Variants in CTNNA2 observed in about 807,000 individuals in gnomAD.
CTNNA2 encodes the protein catenin alpha-2.
A neutral mutation model predicts 101.0 loss-of-function variants in CTNNA2; 42 were observed. That is an observed-to-expected ratio of 0.42 (90% CI 0.32 to 0.54). The LOEUF (loss-of-function observed/expected upper bound fraction) is 0.54, where lower values mean the gene tolerates loss of function less well. Among genes scored for constraint, CTNNA2 ranks in the 20% least tolerant of loss-of-function variants. The pLI, the probability that CTNNA2 is intolerant of heterozygous loss-of-function variation, is 0.14. For synonymous variants in CTNNA2, 450 were observed against 456.4 expected (o/e 0.99, Z 0.18); for missense variants, 871 against 1,223.1 (o/e 0.71, Z 4.29).
intron 1 of CTNNA2, among the ~76,000 whole-genome samples, chr2:79,584,265 G>T (rs535195524): frequency 1.7e-3 from 262 of 152,088 alleles, no homozygotes; most frequent in Non-Finnish European, 2.9e-3. Context: ...TTATCCTATG[G>T]TTCATAAAAA....
intron 6 of CTNNA2, among the ~76,000 whole-genome samples, chr2:79,890,433 T>C (rs1684221066): frequency 6.6e-6 from 1 of 152,056 alleles, no homozygotes; most frequent in Admixed American, 6.6e-5. Flanking sequence ...TGTGAAGGAG[T>C]TTGAAACTGA....
At chr2:80,277,779 C>G (rs933187931) in intron 7 of CTNNA2, among the ~76,000 whole-genome samples, 1 of 152,138 alleles carries the variant, frequency 6.6e-6, no homozygotes, top group African/African-American at 2.4e-5. Flanking sequence ...TTCTTCATCA[C>G]TCCTTCTGCT....
At chr2:79,887,065 A>C (rs770137585) in intron 6 of CTNNA2, among the ~76,000 whole-genome samples, 1 of 151,926 alleles carries the variant, frequency 6.6e-6, no homozygotes, top group Non-Finnish European at 1.5e-5. Context: ...GATCTGCCCA[A>C]CTCAGCTTCC....
At chr2:80,106,025 A>G (rs1370204692) in intron 7 of CTNNA2, among the ~76,000 whole-genome samples, 1 of 152,192 alleles carries the variant, frequency 6.6e-6, no homozygotes, top group Non-Finnish European at 1.5e-5. Flanking sequence ...AGGGGGTTTT[A>G]TTACTTGCCA....
intron 2 of CTNNA2, among the ~76,000 whole-genome samples, chr2:79,250,418 T>TG (rs1674755411): frequency 6.6e-6 from 1 of 152,120 alleles, no homozygotes; most frequent in Non-Finnish European, 1.5e-5. Flanking sequence ...CCTCTGTAAT[T>TG]ACTGGGTTTA....
In CTNNA2 at chr2:80,302,772, C is replaced by T. The variant is rs1676472188; in HGVS notation, c.1057-90439C>T. On this transcript the variant is annotated intron_variant, in intron 7 of 18. Transcript: ENST00000402739. The surrounding 1 kb of genome is among the most constrained non-coding windows in gnomAD (Gnocchi z 6.4). Reference sequence around the variant, plus strand: ...TACACGGCGTCCAGGACGTCCTCGCCCTGTGCGTACTCCGGGCTGGCGCAC... The same window carrying T: ...TACACGGCGTCCAGGACGTCCTCGCTCTGTGCGTACTCCGGGCTGGCGCAC... 1 of 1,613,214 alleles carries T rather than the reference C, an allele frequency of 6.2e-7. No individual in the cohort carries two copies. Among genetic ancestry groups the T allele is most frequent in the African/African-American group, 1.3e-5 (1 of 74,936 alleles).
intron 9 of CTNNA2, among the ~76,000 whole-genome samples, chr2:80,499,748 G>T (rs1002669351): frequency 1.3e-5 from 2 of 151,974 alleles, no homozygotes; most frequent in Non-Finnish European, 2.9e-5. Context: ...TTGAACCTGC[G>T]AGGCAGAGGC....
intron 7 of CTNNA2, among the ~76,000 whole-genome samples, chr2:80,126,626 C>CTTTCCTTCCTT (rs1702139184): frequency 5.9e-4 from 16 of 27,290 alleles, no homozygotes; most frequent in African/African-American, 2.5e-3. Flanking sequence ...CTCCCTCCCT[C>CTTTCCTTCCTT]CCTCCCTCCC....
chr2:79,341,462 G>C (rs760248419), intron 3 of CTNNA2, among the ~76,000 whole-genome samples: 67 of 152,272 alleles, frequency 4.4e-4, no homozygotes, highest in Admixed American at 1.3e-4. Context: ...TAGTTATGGT[G>C]TTATGCAGAC....
At chr2:80,246,904 A>G (rs1218418482) in intron 7 of CTNNA2, among the ~76,000 whole-genome samples, 1 of 152,234 alleles carries the variant, frequency 6.6e-6, no homozygotes, top group African/African-American at 2.4e-5. Context: ...ATCAAGGCCT[A>G]TGGTACCTTA....
chr2:79,241,884 A>ATTTTCTTTTCTTTTCTTTTC (rs3979579), intron 2 of CTNNA2, among the ~76,000 whole-genome samples: 7 of 149,240 alleles, frequency 4.7e-5, no homozygotes, highest in African/African-American at 1.7e-4. Context: ...ACATTTGGGT[A>ATTTTCTTTTCTTTTCTTTTC]TTTTCTTTTC....
At chr2:80,033,812 A>G (rs955883193) in intron 7 of CTNNA2, among the ~76,000 whole-genome samples, 2 of 152,132 alleles carry the variant, frequency 1.3e-5, no homozygotes, top group African/African-American at 4.8e-5. Flanking sequence ...TGCATATGGA[A>G]ATTCAGTGTA....
chr2:80,213,346 C>T (rs1411062420), intron 7 of CTNNA2, among the ~76,000 whole-genome samples: 2 of 152,024 alleles, frequency 1.3e-5, no homozygotes, highest in African/African-American at 2.4e-5. Context: ...CTCTTGTGGG[C>T]ATTTAGTGCT....
chr2:79,819,082 C>T (rs552400700), intron 3 of CTNNA2, among the ~76,000 whole-genome samples: 2 of 150,990 alleles, frequency 1.3e-5, no homozygotes, highest in African/African-American at 2.4e-5. Flanking sequence ...CAGGTTCAAG[C>T]GATTTTCCTG....
intron 7 of CTNNA2, among the ~76,000 whole-genome samples, chr2:80,120,363 G>A (rs573664581): frequency 4.3e-4 from 65 of 152,276 alleles, no homozygotes; most frequent in African/African-American, 1.6e-3. Flanking sequence ...TTGCTGACAT[G>A]CCATGGAAAA....
At chr2:79,938,193 G>A (rs2916532) in intron 7 of CTNNA2, among the ~76,000 whole-genome samples, 51,425 of 152,056 alleles carry the variant, frequency 0.34, 8,797 homozygotes, top group African/African-American at 0.38. Flanking sequence ...GCTCACTGTC[G>A]CCTATTTCAT....
At chr2:80,052,026 TC>T (rs1441365948) in intron 7 of CTNNA2, among the ~76,000 whole-genome samples, 1 of 152,218 alleles carries the variant, frequency 6.6e-6, no homozygotes, top group Non-Finnish European at 1.5e-5. Flanking sequence ...TGATGTAGCT[TC>T]TTGATTTTAA....
chr2:80,066,354 AAAAG>A (rs1292371210), intron 7 of CTNNA2, among the ~76,000 whole-genome samples: 1 of 152,190 alleles, frequency 6.6e-6, no homozygotes. Context: ...CCTAAAATAT[AAAAG>A]AAATTCAAAC....
intron 7 of CTNNA2, among the ~76,000 whole-genome samples, chr2:80,038,067 GA>G (rs11346916): frequency 0.85 from 128,738 of 151,096 alleles, 55,077 homozygotes; most frequent in East Asian, 0.98. Flanking sequence ...TTTGAAAATT[GA>G]AAAAAAAAAC....
Sources: allele counts gnomAD v4.1 joint callset (sites outside exome capture counted in the v4.1 genomes callset), GRCh38; gene constraint gnomAD v4.1.1; non-coding constraint Gnocchi (gnomAD v3.1); transcripts MANE v1.5; gene names NCBI Gene and HGNC (gene_info 2026-07-23, HGNC 2026-07-21).